TRPC4AP: variants seen among roughly 807,000 people sequenced by gnomAD.
TRPC4AP encodes the protein transient receptor potential cation channel subfamily C member 4 associated protein, also known as short transient receptor potential channel 4-associated protein.
In TRPC4AP, 45 loss-of-function variants were observed where a neutral mutation model predicts 99.0. The ratio of observed to expected loss-of-function variants is 0.45; its 90% confidence interval spans 0.36 to 0.58. The LOEUF (loss-of-function observed/expected upper bound fraction) is 0.58. Among genes scored for constraint, TRPC4AP ranks in the 20% least tolerant of loss-of-function variants. The pLI is 0.00. For missense variants in TRPC4AP, 879 were observed against 985.3 expected (o/e 0.89, Z 1.44); for synonymous variants, 408 against 385.8 (o/e 1.06, Z -0.67).
At chr20:35,063,335 C>G (rs1271133955) in intron 3 of TRPC4AP, among the ~76,000 whole-genome samples, 1 of 152,132 alleles carries the variant, frequency 6.6e-6, no homozygotes, top group Non-Finnish European at 1.5e-5. Flanking sequence ...AGCATGAGAA[C>G]GGACTGACAG....
At chr20:35,051,659 G>A (rs868024745) in intron 5 of TRPC4AP, among the ~76,000 whole-genome samples, 1 of 147,092 alleles carries the variant, frequency 6.8e-6, no homozygotes, top group Non-Finnish European at 1.5e-5. Flanking sequence ...ACTACATACA[G>A]TACCTACACT....
At chr20:35,090,564 G>T (rs1053255444) in intron 1 of TRPC4AP, among the ~76,000 whole-genome samples, 4 of 151,958 alleles carry the variant, frequency 2.6e-5, no homozygotes, top group African/African-American at 9.7e-5. Context: ...AGTAGAGACG[G>T]GGCTTCGCCA....
At chr20:35,019,908 T>A (rs1290152677) in intron 9 of TRPC4AP, among the ~76,000 whole-genome samples, 1 of 151,998 alleles carries the variant, frequency 6.6e-6, no homozygotes, top group East Asian at 1.9e-4. Flanking sequence ...AAGTGTCAAT[T>A]CTAACACACA....
At chr20:35,074,300 G>A (rs1049363541) in intron 2 of TRPC4AP, among the ~76,000 whole-genome samples, 13 of 151,772 alleles carry the variant, frequency 8.6e-5, no homozygotes, top group Non-Finnish European at 1.2e-4. Flanking sequence ...GTTATTTCTC[G>A]CCTTCTGCTA....
intron 15 of TRPC4AP, among the ~76,000 whole-genome samples, chr20:35,006,042 C>T (rs1204489495): frequency 1.3e-5 from 2 of 152,210 alleles, no homozygotes; most frequent in African/African-American, 2.4e-5. Flanking sequence ...CTCAAGGGTG[C>T]TGGATTCCTT....
chr20:35,062,663 T>G (rs747569273), intron 3 of TRPC4AP, among the ~76,000 whole-genome samples: 1 of 152,206 alleles, frequency 6.6e-6, no homozygotes, highest in Non-Finnish European at 1.5e-5. Flanking sequence ...GATTAGTGGT[T>G]GCCTAAGGAT....
At chr20:35,033,647 T>C (rs185665732) in intron 8 of TRPC4AP, among the ~76,000 whole-genome samples, 197 of 152,314 alleles carry the variant, frequency 1.3e-3, no homozygotes, top group Admixed American at 2.7e-3. Flanking sequence ...TCTCCTTCCC[T>C]GGTTCTCTGG....
intron 1 of TRPC4AP, among the ~76,000 whole-genome samples, 155 bp downstream of exon 1, chr20:35,092,459 A>G (rs80226966): frequency 0.03 from 4,636 of 152,320 alleles, 216 homozygotes; most frequent in African/African-American, 0.1. Flanking sequence ...GCCCCGCTGC[A>G]GCTGAGAGCG....
intron 11 of TRPC4AP, among the ~76,000 whole-genome samples, chr20:35,011,363 C>T (rs1324066213): frequency 6.6e-6 from 1 of 152,230 alleles, no homozygotes; most frequent in African/African-American, 2.4e-5. Context: ...CTTCAGCCTA[C>T]AGTTGGCCAT....
intron 5 of TRPC4AP, among the ~76,000 whole-genome samples, chr20:35,052,343 C>G (rs1339465100): frequency 1.3e-5 from 2 of 152,080 alleles, no homozygotes; most frequent in Non-Finnish European, 2.9e-5. Flanking sequence ...ATTCTCCTGC[C>G]TCGGCCTATC....
chr20:35,090,204 G>T (rs145780927), intron 1 of TRPC4AP, among the ~76,000 whole-genome samples: 43 of 144,020 alleles, frequency 3.0e-4, no homozygotes, highest in African/African-American at 9.5e-4. Flanking sequence ...ACTAAGAAAA[G>T]AAATATTTGA....
intron 8 of TRPC4AP, among the ~76,000 whole-genome samples, chr20:35,029,879 G>A (rs1306393315): frequency 3.4e-5 from 5 of 145,794 alleles, no homozygotes; most frequent in Admixed American, 2.0e-4. Context: ...CTCGTGATCC[G>A]CCCACCTCAG....
chr20:35,023,806 C>T (rs1257860769), intron 8 of TRPC4AP, among the ~76,000 whole-genome samples: 22 of 152,244 alleles, frequency 1.4e-4, no homozygotes, highest in African/African-American at 5.1e-4. Flanking sequence ...GCAGTGGGCA[C>T]AGTGTGGGGC....
intron 2 of TRPC4AP, among the ~76,000 whole-genome samples, chr20:35,071,814 T>C (rs2084324096): frequency 6.6e-6 from 1 of 152,214 alleles, no homozygotes; most frequent in South Asian, 2.1e-4. Flanking sequence ...ATGGGATGGC[T>C]GGGTCAAATG....
intron 3 of TRPC4AP, among the ~76,000 whole-genome samples, chr20:35,057,810 A>C (rs2083876668): frequency 6.6e-6 from 1 of 152,132 alleles, no homozygotes; most frequent in South Asian, 2.1e-4. Flanking sequence ...ATTTTTGAAA[A>C]GAAGTATTTT....
intron 8 of TRPC4AP, among the ~76,000 whole-genome samples, chr20:35,031,996 T>C (rs1033618380): frequency 2.0e-5 from 3 of 152,114 alleles, no homozygotes; most frequent in African/African-American, 4.8e-5. Flanking sequence ...TTCAATCGAT[T>C]CTCATGCCTC....
chr20:35,007,820 G>A (rs1195524083), intron 13 of TRPC4AP, among the ~76,000 whole-genome samples, 180 bp from the exon 14 acceptor site: 3 of 152,220 alleles, frequency 2.0e-5, no homozygotes, highest in Non-Finnish European at 4.4e-5. Flanking sequence ...TCCTCACAGA[G>A]AGCCAGCTCA....
chr20:35,049,792 A>T, intron 6 of TRPC4AP, 74 bp downstream of exon 6: 5 of 1,498,166 alleles, frequency 3.3e-6, no homozygotes, highest in Middle Eastern at 1.8e-4. Flanking sequence ...AAAGCTCTGT[A>T]TATTATTCAG....
intron 2 of TRPC4AP, among the ~76,000 whole-genome samples, chr20:35,072,111 C>T (rs573255725): frequency 9.2e-5 from 14 of 152,300 alleles, no homozygotes; most frequent in South Asian, 8.3e-4. Context: ...TCATATCCTT[C>T]GCCCAGTTTT....
Sources: gnomAD v4.1 joint callset for allele counts (sites outside exome capture counted in the v4.1 genomes callset) on GRCh38, gnomAD v4.1.1 for gene constraint, MANE v1.5 for transcripts, NCBI Gene and HGNC (gene_info 2026-07-23, HGNC 2026-07-21) for gene names.